DNAJC13: variants seen among roughly 807,000 people sequenced by gnomAD.
The protein encoded by DNAJC13 is DnaJ heat shock protein family (Hsp40) member C13, also known as dnaJ homolog subfamily C member 13.
A neutral mutation model predicts 290.5 loss-of-function variants in DNAJC13; 75 were observed. The observed-to-expected ratio is 0.26, with a 90% CI of 0.21 to 0.31. The LOEUF is 0.31. Among genes scored for constraint, DNAJC13 ranks in the 10% least tolerant of loss-of-function variants. DNAJC13 has a pLI of 1.00. For missense variants in DNAJC13, 2,260 were observed against 2,674.5 expected (o/e 0.85, Z 3.42); for synonymous variants, 862 against 892.0 (o/e 0.97, Z 0.60).
chr3:132,429,756 T>TG (rs986238712), intron 1 of DNAJC13, among the ~76,000 whole-genome samples: 6 of 152,256 alleles, frequency 3.9e-5, no homozygotes, highest in African/African-American at 1.4e-4. Context: ...GGCTAGTTAG[T>TG]GGGGTGTCTC....
chr3:132,442,276 C>T (rs996458490), intron 2 of DNAJC13, among the ~76,000 whole-genome samples: 15 of 151,850 alleles, frequency 9.9e-5, no homozygotes, highest in Non-Finnish European at 1.2e-4. Flanking sequence ...AGATTACAGG[C>T]GTGAGCCACT....
Position 132,461,204 on chromosome 3 carries a change from A to G in DNAJC13, c.1712A>G (p.Gln571Arg). 1 of 1,613,920 alleles carries G rather than the reference A, an allele frequency of 6.2e-7. No individual in the cohort carries two copies. Among genetic ancestry groups the G allele is most frequent in the South Asian group, 1.1e-5 (1 of 91,066 alleles). The stretch of plus-strand genomic sequence containing the variant: ...GGAAGAACCCTTTTTAAACTTTTTC[A>G]GGTGAGAGCTTGTATTTTTCTTGTC... ...SNGRTLFKLF[Q>R]HPSMAIIKGA... The change falls in exon 15 of 56, where the codon CAG becomes CGG. Residue 571 changes from glutamine (Q) to arginine (R), a missense_variant and splice_region_variant. Physicochemically the swap from Gln to Arg is conservative, Grantham distance 43. This residue lies in a region of DNAJC13 where 762 missense variants were observed against 964.1 expected (regional missense o/e 0.79). Coordinates refer to ENST00000260818, the MANE Select transcript of DNAJC13 (RefSeq NM_015268.4).
intron 36 of DNAJC13, 60 bp downstream of exon 36, chr3:132,496,723 C>T (rs1248531461): frequency 1.4e-6 from 2 of 1,386,690 alleles, no homozygotes; most frequent in East Asian, 5.0e-5. Flanking sequence ...ACAGCTAACC[C>T]TATACCATAT....
At position 132,446,409 on chromosome 3, in the gene DNAJC13, T is replaced by C. The variant is rs1322408018; in HGVS notation, c.69-66T>C. On this transcript the variant is annotated intron_variant, in intron 2 of 55. Transcript: ENST00000260818. ...GTATTGAACTGTTTGTTTTGTGTTATATATATTTTCTTATAAAATATCTTT... is the reference window on the plus strand; with the variant it reads ...GTATTGAACTGTTTGTTTTGTGTTACATATATTTTCTTATAAAATATCTTT... 7.2e-6 allele frequency: 8 copies of C among 1,104,222 alleles called. No homozygotes were observed. The African/African-American group carries it at 1.1e-4, about 15-fold the overall frequency. 68.4% of individuals were successfully genotyped at this position (1,104,222 alleles called of 1,614,324 possible).
chr3:132,531,025 G>T lies in DNAJC13; in HGVS notation c.6553G>T (p.Val2185Phe), dbSNP rs1161032431. The stretch of plus-strand genomic sequence containing the variant: ...GAATGAAATCCTGTGCCGTTCTTCA[G>T]TCTGGAGTGCCTTCAAAGATCAGAA... ...QVNEILCRSS[V>F]WSAFKDQKHD... The change falls in exon 55 of 56, where the codon GTC becomes TTC. Residue 2185 changes from valine to phenylalanine, a missense_variant. Val to Phe is a conservative substitution (Grantham distance 50, BLOSUM62 -1). This residue lies in a region of DNAJC13 where 1,494 missense variants were observed against 1,693.7 expected (regional missense o/e 0.88). Coordinates refer to ENST00000260818, the MANE Select transcript of DNAJC13 (RefSeq NM_015268.4). 6.2e-7 allele frequency: 1 copy of T among 1,614,126 alleles called. No homozygotes were observed. The highest frequency in any genetic ancestry group is 8.5e-7 in the Non-Finnish European group (1 of 1,179,984).
Position 132,466,189 on chromosome 3 carries a change from T to C in DNAJC13, c.1969-110T>C, listed in dbSNP as rs541379279. 5.8e-6 allele frequency: 8 copies of C among 1,383,562 alleles called. No individual in the cohort carries two copies. The East Asian group carries it at 1.7e-4, about 29-fold the overall frequency. 85.7% of individuals were successfully genotyped at this position (1,383,562 alleles called of 1,614,324 possible). On this transcript the variant is annotated intron_variant, in intron 18 of 55. Transcript: ENST00000260818. ...TTGAAAAGTTATTTATCATAGGAGT[T>C]ACCGTAAAGTTTTACCCTCAATAGC...
intron 28 of DNAJC13, 42 bp from the exon 29 acceptor site, chr3:132,484,546 T>G (rs1559891493): frequency 6.3e-7 from 1 of 1,578,994 alleles, no homozygotes; most frequent in South Asian, 1.1e-5. Flanking sequence ...ATACAAATTT[T>G]AACAAATATA....
At chr3:132,436,447 A>G (rs1057334699) in intron 2 of DNAJC13, among the ~76,000 whole-genome samples, 3 of 152,254 alleles carry the variant, frequency 2.0e-5, no homozygotes, top group African/African-American at 4.8e-5. Context: ...TTATCCATTC[A>G]TCAACTGACA....
intron 30 of DNAJC13, 116 bp downstream of exon 30, chr3:132,488,568 CTATT>C (rs1318518761): frequency 3.7e-6 from 4 of 1,067,732 alleles, no homozygotes; most frequent in African/African-American, 1.6e-5. Context: ...ATTGTAAAGG[CTATT>C]TAAGTACATG....
intron 9 of DNAJC13, 87 bp from the exon 10 acceptor site, chr3:132,456,148 C>T: frequency 1.6e-6 from 2 of 1,236,624 alleles, no homozygotes; most frequent in Middle Eastern, 2.6e-4. Flanking sequence ...AGCAGATTAC[C>T]TGCTAAAGGG....
intron 1 of DNAJC13, among the ~76,000 whole-genome samples, chr3:132,418,337 G>C (rs763230978): frequency 7.9e-5 from 12 of 152,186 alleles, no homozygotes; most frequent in Non-Finnish European, 1.5e-4. Context: ...TTCCTCCGCT[G>C]CTGTGATTTT....
intron 51 of DNAJC13, 123 bp from the exon 52 acceptor site, chr3:132,525,487 G>C (rs1559913382): frequency 6.4e-6 from 6 of 941,066 alleles, no homozygotes; most frequent in Middle Eastern, 2.3e-4. Flanking sequence ...TAGTGAATCT[G>C]TTTTCAAGTA....
chr3:132,452,663 G>C (rs1351023685), intron 6 of DNAJC13, among the ~76,000 whole-genome samples: 1 of 152,220 alleles, frequency 6.6e-6, no homozygotes, highest in Non-Finnish European at 1.5e-5. Flanking sequence ...GGGCATTTCA[G>C]ATTTGGGATT....
At chr3:132,483,255 G>T in intron 27 of DNAJC13, 120 bp from the exon 28 acceptor site, 1 of 986,720 alleles carries the variant, frequency 1.0e-6, no homozygotes, top group Non-Finnish European at 1.5e-6. Context: ...TATTTTTTCT[G>T]AAATAGTGTA....
chr3:132,464,659 T>G (rs900170846), intron 17 of DNAJC13, among the ~76,000 whole-genome samples: 2 of 152,154 alleles, frequency 1.3e-5, no homozygotes, highest in African/African-American at 4.8e-5. Flanking sequence ...CCCTCACTTG[T>G]GTTAAGAACA....
At chr3:132,436,232 C>G (rs1329548800) in intron 2 of DNAJC13, among the ~76,000 whole-genome samples, 1 of 152,160 alleles carries the variant, frequency 6.6e-6, no homozygotes, top group Non-Finnish European at 1.5e-5. Context: ...TTTTCCCCCT[C>G]TTTTGGCAGG....
In DNAJC13 at chr3:132,516,485, C is replaced by T. The variant is rs756488139; in HGVS notation, c.5549C>T (p.Ala1850Val). The change falls in exon 47 of 56, where the codon GCA becomes GTA. Residue 1850 changes from alanine (A) to valine (V), a missense_variant. Coordinates refer to ENST00000260818, the MANE Select transcript of DNAJC13 (RefSeq NM_015268.4). Reference protein sequence around the residue: ...LTSSTKIIKEAMAKGALIYLL... With the variant: ...LTSSTKIIKEVMAKGALIYLL... ...TCGAGTACAAAAATAATCAAAGAAGCAATGGCAAAGGGTAATGTATAGAGT... is the reference window on the plus strand; with the variant it reads ...TCGAGTACAAAAATAATCAAAGAAGTAATGGCAAAGGGTAATGTATAGAGT... 4.3e-6 allele frequency: 7 copies of T among 1,613,716 alleles called. No individual in the cohort carries two copies. Among genetic ancestry groups the T allele is most frequent in the Non-Finnish European group, 5.9e-6 (7 of 1,179,730 alleles).
At chr3:132,458,569 T>A (rs1437655970) in intron 13 of DNAJC13, among the ~76,000 whole-genome samples, 3 of 152,138 alleles carry the variant, frequency 2.0e-5, no homozygotes. Flanking sequence ...CAACAAAAGA[T>A]TCTGCTAGTG....
intron 29 of DNAJC13, among the ~76,000 whole-genome samples, chr3:132,488,049 GC>G (rs1276976416): frequency 6.6e-6 from 1 of 152,144 alleles, no homozygotes; most frequent in Non-Finnish European, 1.5e-5. Flanking sequence ...GACAAAACTA[GC>G]TTCAGGCATG....
Sources: allele counts gnomAD v4.1 joint callset (sites outside exome capture counted in the v4.1 genomes callset), GRCh38; gene constraint gnomAD v4.1.1; regional missense constraint gnomAD v4.1.1; transcripts MANE v1.5; gene names NCBI Gene and HGNC (gene_info 2026-07-23, HGNC 2026-07-21).